EPHA10: variants seen among roughly 807,000 people sequenced by gnomAD.
EPHA10 encodes the protein EPH receptor A10, also known as ephrin type-A receptor 10.
Under a neutral mutation model 109.7 loss-of-function variants are expected in EPHA10, and 120 were observed. The ratio of observed to expected loss-of-function variants is 1.09; its 90% CI spans 0.94 to 1.27. The LOEUF (loss-of-function observed/expected upper bound fraction) is 1.27, where lower values mean the gene tolerates loss of function less well. Among genes scored for constraint, EPHA10 ranks in the 50% most tolerant of loss-of-function variants. The probability of loss-of-function intolerance (pLI) is 0.00; values close to 1 mark genes in which losing one functional copy is unlikely to be tolerated. For missense variants in EPHA10, 1,396 were observed against 1,411.1 expected (o/e 0.99, Z 0.17); for synonymous variants, 640 against 618.9 (o/e 1.03, Z -0.51).
chr1:37,720,710 C>G, intron 12 of EPHA10, 73 bp downstream of exon 12: 1 of 1,584,634 alleles, frequency 6.3e-7, no homozygotes, highest in Non-Finnish European at 8.6e-7. Flanking sequence ...CAAGCCCTAC[C>G]AAAGAGAAAA....
chr1:37,721,940 G>T, intron 10 of EPHA10, 95 bp from the exon 11 acceptor site: 2 of 1,242,832 alleles, frequency 1.6e-6, no homozygotes, highest in East Asian at 2.9e-5. Flanking sequence ...TGACCAGCCT[G>T]GCCAACATGG....
In EPHA10 at chr1:37,761,840, G is replaced by A. The variant is rs893080687; in HGVS notation, c.415C>T (p.Arg139Cys). 7.4e-6 allele frequency: 12 copies of A among 1,613,004 alleles called. No homozygotes were observed. The highest frequency in any genetic ancestry group is 1.0e-5 in the Non-Finnish European group (12 of 1,179,432). Residue 139 changes from arginine (R) to cysteine (C), a missense_variant, in exon 3 of 17, where the codon CGT (arginine) becomes TGT (cysteine). Physicochemically the swap from Arg to Cys is radical, Grantham distance 180. Coordinates refer to ENST00000373048, the MANE Select transcript of EPHA10 (RefSeq NM_001099439.2). The part of the protein sequence containing the change: ...YYLETEADLG[R>C]GRPRLGGSRP... Reference sequence around the variant, plus strand: ...CTGCCGCCTAGGCGGGGACGCCCACGGCCCAGGTCGGCCTCAGTTTCCAGG... The same window carrying A: ...CTGCCGCCTAGGCGGGGACGCCCACAGCCCAGGTCGGCCTCAGTTTCCAGG...
chr1:37,732,772 G>A (rs995591526), intron 6 of EPHA10, among the ~76,000 whole-genome samples: 8 of 146,034 alleles, frequency 5.5e-5, no homozygotes, highest in South Asian at 4.5e-4. Flanking sequence ...CCAGACACCC[G>A]CCCAGGTCCA....
intron 7 of EPHA10, among the ~76,000 whole-genome samples, chr1:37,730,906 G>A (rs1355138930): frequency 6.6e-6 from 1 of 151,986 alleles, no homozygotes; most frequent in Admixed American, 6.6e-5. Flanking sequence ...TGGCCAGGCT[G>A]GTCTCGAACT....
Position 37,721,775 on chromosome 1 carries a change from A to G in EPHA10, c.2031T>C (p.His677=), listed in dbSNP as rs579908. 0.25 allele frequency: 399,827 copies of G among 1,610,418 alleles called. 52,033 individuals carry two copies. The highest frequency in any genetic ancestry group is 0.31 in the African/African-American group (23,552 of 74,868). The change falls in exon 11 of 17, where the codon CAT becomes CAC. Residue 677 remains histidine (H), a synonymous_variant. Coordinates refer to ENST00000373048, the MANE Select transcript of EPHA10 (RefSeq NM_001099439.2). ...PGRQELLVAV[H]MLRDSASDSQ... is the part of the protein sequence containing the mutation. ...AGTCGGAGGCGCTGTCCCTCAGCATATGCACGGCTACGAGCAGCTCCTGGC... is the reference window on the plus strand; with the variant it reads ...AGTCGGAGGCGCTGTCCCTCAGCATGTGCACGGCTACGAGCAGCTCCTGGC...
In EPHA10 at chr1:37,761,660, C is replaced by A. The variant is rs1281039637; in HGVS notation, c.595G>T (p.Val199Leu). The A allele has an allele frequency of 8.7e-6, 14 of 1,609,094 alleles. No individual in the cohort carries two copies. The highest frequency in any genetic ancestry group is 1.2e-5 in the Non-Finnish European group (14 of 1,179,848). The change falls in exon 3 of 17, where the codon GTG becomes TTG. Residue 199 changes from valine to leucine, a missense_variant. Coordinates refer to ENST00000373048, the MANE Select transcript of EPHA10 (RefSeq NM_001099439.2). ...HLAFQDVGAC[V>L]ALVSVRVYYK... ...TAGACGCGCACCGAGACAAGCGCCA[C>A]GCATGCGCCCACGTCCTGAAAGGCC...
intron 1 of EPHA10, among the ~76,000 whole-genome samples, chr1:37,763,494 T>A (rs940023792): frequency 2.0e-5 from 3 of 152,124 alleles, no homozygotes; most frequent in African/African-American, 4.8e-5. Flanking sequence ...TAAGCTAACA[T>A]TCACGGTTCT....
In EPHA10 at chr1:37,735,293, G is replaced by A. The variant is rs1646050721; in HGVS notation, c.1455C>T (p.Ala485=). 6.4e-7 allele frequency: 1 copy of A among 1,562,046 alleles called. No homozygotes were observed. Among genetic ancestry groups the A allele is most frequent in the Non-Finnish European group, 8.7e-7 (1 of 1,153,038 alleles). ...REPIPAGAPG[A]NDTEYEIRYY... is the part of the protein sequence containing the mutation. ...ATCGGATCTCGTACTCCGTGTCATT[G>A]GCCCCAGGGGCTCCGGCAGGGATGG... Residue 485 remains alanine (A), a synonymous_variant, in exon 6 of 17, where the codon GCC becomes GCT. Transcript: ENST00000373048.
chr1:37,727,076 C>A, intron 8 of EPHA10, 26 bp downstream of exon 8: 1 of 1,581,176 alleles, frequency 6.3e-7, no homozygotes, highest in South Asian at 1.1e-5. Context: ...CACCAGGAGT[C>A]ACCTAGGCTG....
At chr1:37,718,579 G>A (rs1174629924) in intron 16 of EPHA10, 82 bp downstream of exon 16, 1 of 1,611,896 alleles carries the variant, frequency 6.2e-7, no homozygotes, top group Non-Finnish European at 8.5e-7. Context: ...TCTCTGGACA[G>A]GTTGGGACTC....
rs2148366564 is a variant in EPHA10 at position 37,754,067 on chromosome 1, A to ACGCCGCCTTC, written c.1006+138_1006+147dup. On this transcript the variant is annotated intron_variant, in intron 4 of 16. Coordinates refer to ENST00000373048, the MANE Select transcript of EPHA10 (RefSeq NM_001099439.2). This position sits in a 1 kb window ranked among gnomAD's most constrained non-coding sequence, Gnocchi z 4.5. ...GCGCGTCCAGGCTCCGCTCCCCCGT[A>ACGCCGCCTTC]CGCCGCCTTCCGGGGCGCTGGCCCC... The ACGCCGCCTTC allele has an allele frequency of 1.1e-6, 1 of 924,618 alleles. No individual in the cohort carries two copies. Among genetic ancestry groups the ACGCCGCCTTC allele is most frequent in the South Asian group, 5.5e-5 (1 of 18,262 alleles). The allele number at this position is 924,618 out of a possible 1,614,324, so 57.3% of individuals were successfully genotyped here. A position where few individuals can be genotyped will look rare whatever the true frequency, so the allele number is the denominator to read the frequency against.
At chr1:37,735,122 G>T in intron 6 of EPHA10, 135 bp downstream of exon 6, 2 of 1,181,220 alleles carry the variant, frequency 1.7e-6, no homozygotes, top group Non-Finnish European at 2.4e-6. Context: ...TCGAGCCTGG[G>T]GCCCCTAGGA....
At chr1:37,743,647 T>G (rs1340428603) in intron 5 of EPHA10, among the ~76,000 whole-genome samples, 2 of 142,692 alleles carry the variant, frequency 1.4e-5, no homozygotes, top group Non-Finnish European at 3.0e-5. Flanking sequence ...TTTTTGCACT[T>G]TCAGTACAGT....
chr1:37,716,227 C>T lies in EPHA10; in HGVS notation c.*2145G>A. On this transcript the variant is annotated 3_prime_UTR_variant, in exon 17 of 17. Coordinates refer to ENST00000373048, the MANE Select transcript of EPHA10 (RefSeq NM_001099439.2). ...CCTGGGACCCAACAGGATTCTGGGACCTCACTCCTCAGTGGAGGGGAGATC... is the reference window on the plus strand; with the variant it reads ...CCTGGGACCCAACAGGATTCTGGGATCTCACTCCTCAGTGGAGGGGAGATC... 1 of 293,760 alleles carries T rather than the reference C, an allele frequency of 3.4e-6. No individual in the cohort carries two copies. The highest frequency in any genetic ancestry group is 5.2e-5 in the South Asian group (1 of 19,220). The allele number at this position is 293,760 out of a possible 1,614,324, so 18.2% of individuals were successfully genotyped here.
chr1:37,752,774 G>T (rs1234178718), intron 5 of EPHA10, 102 bp downstream of exon 5: 2 of 683,898 alleles, frequency 2.9e-6, no homozygotes, highest in East Asian at 1.3e-4. Context: ...GCTTCTCTGG[G>T]GTGGGTGGGT....
At chr1:37,719,031 G>T (rs1297940017) in intron 15 of EPHA10, 1 of 647,170 alleles carries the variant, frequency 1.5e-6, no homozygotes, top group Non-Finnish European at 2.6e-6. Context: ...GCCAGCTAAA[G>T]GTATTGGCGT....
chr1:37,728,775 G>C (rs1160368848), intron 7 of EPHA10, among the ~76,000 whole-genome samples: 1 of 152,152 alleles, frequency 6.6e-6, no homozygotes, highest in Non-Finnish European at 1.5e-5. Flanking sequence ...AAAAATGCTA[G>C]AGTCAGAGAG....
rs533544490 is a variant in EPHA10, at chr1:37,721,973, A to C, written c.1961-128T>G. The C allele has an allele frequency of 2.5e-5, 23 of 938,300 alleles. No individual in the cohort carries two copies. In the East Asian group the frequency reaches 6.1e-4, roughly 25 times the overall value. The allele number at this position is 938,300 out of a possible 1,614,324, so 58.1% of individuals were successfully genotyped here. ...TGGCGAAACCCAGTCTCTACTAAAAATACAAAAATTAACCAGACAAGGTGG... is the reference window on the plus strand; with the variant it reads ...TGGCGAAACCCAGTCTCTACTAAAACTACAAAAATTAACCAGACAAGGTGG... On this transcript the variant is annotated intron_variant, in intron 10 of 16. Transcript: ENST00000373048.
At position 37,739,918 on chromosome 1, in the gene EPHA10, A is replaced by T. The variant is rs551328762; in HGVS notation, c.1358-4528T>A. On this transcript the variant is annotated intron_variant, in intron 5 of 16. Transcript: ENST00000373048. ...ACACCAGCCTGGACAACAAAGTGAGACCCTGTCTCTACAAAAAATCAAACA... is the reference window on the plus strand; with the variant it reads ...ACACCAGCCTGGACAACAAAGTGAGTCCCTGTCTCTACAAAAAATCAAACA... 3.2e-4 allele frequency among the ~76,000 whole-genome samples: 47 copies of T among 145,140 alleles called. No individual in the cohort carries two copies. The East Asian group carries it at 7.8e-3, about 24-fold the overall frequency.
Sources: allele counts gnomAD v4.1 joint callset (sites outside exome capture counted in the v4.1 genomes callset), GRCh38; gene constraint gnomAD v4.1.1; non-coding constraint Gnocchi (gnomAD v3.1); transcripts MANE v1.5; gene names NCBI Gene and HGNC (gene_info 2026-07-23, HGNC 2026-07-21).